ELAPOR2: variants seen among roughly 807,000 people sequenced by gnomAD.
ELAPOR2 encodes the protein endosome-lysosome associated apoptosis and autophagy regulator family member 2, also known as endosome/lysosome-associated apoptosis and autophagy regulator family member 2.
In ELAPOR2, 89 loss-of-function variants were observed where a neutral mutation model predicts 120.7. The observed-to-expected ratio is 0.74, with a 90% CI of 0.62 to 0.88. The LOEUF is 0.88. ELAPOR2 is among the 40% of genes least tolerant of loss of function. The pLI is 0.00. For synonymous variants in ELAPOR2, 444 were observed against 444.9 expected (o/e 1.00, Z 0.03); for missense variants, 1,134 against 1,251.6 (o/e 0.91, Z 1.42).
At chr7:87,011,706 T>C (rs540016047) in intron 1 of ELAPOR2, among the ~76,000 whole-genome samples, 1 of 152,284 alleles carries the variant, frequency 6.6e-6, no homozygotes, top group Non-Finnish European at 1.5e-5. Context: ...GGTGGGTCAC[T>C]AGGGAGTTGA....
At chr7:87,034,820 C>G (rs1335329193) in intron 1 of ELAPOR2, among the ~76,000 whole-genome samples, 1 of 152,096 alleles carries the variant, frequency 6.6e-6, no homozygotes, top group Non-Finnish European at 1.5e-5. Flanking sequence ...CAGTGGCTCA[C>G]GACTGTAATC....
intron 1 of ELAPOR2, among the ~76,000 whole-genome samples, chr7:86,986,896 T>C (rs1792760802): frequency 6.6e-6 from 1 of 150,720 alleles, no homozygotes; most frequent in Non-Finnish European, 1.5e-5. Flanking sequence ...CAGTCAATCC[T>C]AATCAAAAAG....
At chr7:87,055,118 C>T (rs150660369) in intron 1 of ELAPOR2, among the ~76,000 whole-genome samples, 1 of 152,300 alleles carries the variant, frequency 6.6e-6, no homozygotes, top group Admixed American at 6.5e-5. Flanking sequence ...GGTCACCACA[C>T]CAGCCCACAC....
At chr7:86,982,710 A>G (rs1160260355) in intron 1 of ELAPOR2, among the ~76,000 whole-genome samples, 2 of 152,236 alleles carry the variant, frequency 1.3e-5, no homozygotes, top group African/African-American at 2.4e-5. Flanking sequence ...AAAGGTAGAT[A>G]AAACCACAAA....
intron 8 of ELAPOR2, among the ~76,000 whole-genome samples, chr7:86,932,343 C>G (rs1790364015): frequency 2.0e-5 from 3 of 151,924 alleles, no homozygotes; most frequent in Admixed American, 1.3e-4. Flanking sequence ...CCTCCCCTCT[C>G]CATTCCTCAG....
intron 19 of ELAPOR2, among the ~76,000 whole-genome samples, chr7:86,893,754 C>T (rs1042287013): frequency 3.3e-5 from 5 of 151,988 alleles, no homozygotes; most frequent in Admixed American, 1.3e-4. Flanking sequence ...ATGGCAATTC[C>T]TTTAGGGCAA....
chr7:87,039,918 G>C (rs892777775), intron 1 of ELAPOR2, among the ~76,000 whole-genome samples: 2 of 152,144 alleles, frequency 1.3e-5, no homozygotes, highest in Non-Finnish European at 2.9e-5. Context: ...TGCGCGCACC[G>C]TGCACGAGCC....
At chr7:86,925,476 G>A in intron 10 of ELAPOR2, 52 bp downstream of exon 10, 7 of 1,590,632 alleles carry the variant, frequency 4.4e-6, no homozygotes, top group Non-Finnish European at 6.0e-6. Context: ...GTTCAAGAAT[G>A]AATGATGTCT....
Position 86,897,495 on chromosome 7 carries a change from T to C in ELAPOR2, c.2685+11A>G, listed in dbSNP as rs1788492979. On this transcript the variant is annotated intron_variant, in intron 19 of 21. Transcript: ENST00000450689. Reference sequence around the variant, plus strand: ...AATGCCGAAGCTCTGCCTTGAGAGTTTATCCCTTACCTGAAATCCTCTCTT... The same window carrying C: ...AATGCCGAAGCTCTGCCTTGAGAGTCTATCCCTTACCTGAAATCCTCTCTT... The C allele has an allele frequency of 6.2e-7, 1 of 1,611,432 alleles. No homozygotes were observed. Among genetic ancestry groups the C allele is most frequent in the Non-Finnish European group, 8.5e-7 (1 of 1,178,660 alleles).
intron 1 of ELAPOR2, among the ~76,000 whole-genome samples, chr7:87,023,297 C>A (rs1584006196): frequency 6.6e-6 from 1 of 152,284 alleles, no homozygotes; most frequent in East Asian, 1.9e-4. Context: ...AGCCAGTTTT[C>A]CCAGCACCAT....
intron 1 of ELAPOR2, among the ~76,000 whole-genome samples, chr7:87,012,467 G>A (rs1447996402): frequency 6.6e-6 from 1 of 151,968 alleles, no homozygotes; most frequent in Non-Finnish European, 1.5e-5. Context: ...CACAGTATTA[G>A]TCTAGTTCTA....
At chr7:87,007,639 G>A (rs1309828061) in intron 1 of ELAPOR2, among the ~76,000 whole-genome samples, 2 of 152,156 alleles carry the variant, frequency 1.3e-5, no homozygotes, top group Admixed American at 6.6e-5. Flanking sequence ...CAAGGAATCA[G>A]GGCTTCTTGG....
At chr7:86,914,188 A>C (rs539935200) in intron 13 of ELAPOR2, among the ~76,000 whole-genome samples, 45 of 152,318 alleles carry the variant, frequency 3.0e-4, no homozygotes, top group African/African-American at 1.1e-3. Flanking sequence ...CATATGGTAC[A>C]ATGGATATAC....
intron 1 of ELAPOR2, among the ~76,000 whole-genome samples, chr7:87,002,014 A>G (rs1035522913): frequency 4.6e-5 from 7 of 152,110 alleles, no homozygotes; most frequent in Admixed American, 2.0e-4. Context: ...CTGTTCTGCT[A>G]TTGTGTCAGG....
intron 21 of ELAPOR2, 78 bp downstream of exon 21, chr7:86,891,646 C>T (rs531468846): frequency 3.6e-5 from 44 of 1,212,254 alleles, no homozygotes; most frequent in Middle Eastern, 2.0e-4. Context: ...TAACAGCTTG[C>T]GTGAATGCTA....
At chr7:87,007,899 T>C (rs1028272634) in intron 1 of ELAPOR2, among the ~76,000 whole-genome samples, 4 of 152,198 alleles carry the variant, frequency 2.6e-5, no homozygotes, top group Non-Finnish European at 5.9e-5. Flanking sequence ...AGGGAAAGGC[T>C]TTCTTTTCAA....
Position 86,908,987 on chromosome 7 carries a change from T to C in ELAPOR2, c.2360-444A>G, listed in dbSNP as rs557592015. Among the ~76,000 whole-genome samples the C allele has an allele frequency of 2.0e-5, 3 of 152,120 alleles. No homozygotes were observed. In the South Asian group the frequency reaches 6.2e-4, roughly 32 times the overall value. On this transcript the variant is annotated intron_variant, in intron 16 of 21. Coordinates refer to ENST00000450689, the MANE Select transcript of ELAPOR2 (RefSeq NM_001142749.3). ...GCAAAAAATTTTGTGCCCTAATAAT[T>C]TCCAGAAAATAACTCTGAAATTTGC...
intron 1 of ELAPOR2, among the ~76,000 whole-genome samples, chr7:87,004,077 A>T (rs763862870): frequency 6.6e-6 from 1 of 152,190 alleles, no homozygotes; most frequent in Non-Finnish European, 1.5e-5. Flanking sequence ...TGAGCTCACT[A>T]ATTAAAACAT....
At chr7:86,961,840 G>A (rs958022517) in intron 2 of ELAPOR2, among the ~76,000 whole-genome samples, 8 of 152,158 alleles carry the variant, frequency 5.3e-5, no homozygotes, top group Non-Finnish European at 1.2e-4. Flanking sequence ...TTGGCACCAG[G>A]GCCTTAAGAG....
Sources: allele counts gnomAD v4.1 joint callset (sites outside exome capture counted in the v4.1 genomes callset), GRCh38; gene constraint gnomAD v4.1.1; transcripts MANE v1.5; gene names NCBI Gene and HGNC (gene_info 2026-07-23, HGNC 2026-07-21).